BUB3: variants seen among roughly 807,000 people sequenced by gnomAD.
BUB3 encodes mitotic checkpoint protein BUB3.
A neutral mutation model predicts 39.9 loss-of-function variants in BUB3; 22 were observed. The ratio of observed to expected loss-of-function variants is 0.55; its 90% CI spans 0.39 to 0.79. The LOEUF is 0.79. Ranked by LOEUF, BUB3 falls within the 30% of genes least tolerant of loss-of-function variation. The probability of loss-of-function intolerance (pLI) is 0.00; values close to 1 mark genes in which losing one functional copy is unlikely to be tolerated. For synonymous variants in BUB3, 168 were observed against 155.1 expected, an observed-to-expected ratio of 1.08 and a Z score of -0.62; for missense variants, 303 against 415.4, an observed-to-expected ratio of 0.73 and a Z score of 2.35.
At position 123,164,455 on chromosome 10, in the gene BUB3, T is replaced by C. The variant is rs1844462506; in HGVS notation, c.*620T>C. The stretch of plus-strand genomic sequence containing the variant: ...AAGGAAAACTAATAAGAAAACCTCC[T>C]AATATCATTTTGTGACTGTAAACAA... On this transcript the variant is annotated 3_prime_UTR_variant, in exon 8 of 8. Transcript: ENST00000368865. 1.0e-6 allele frequency: 1 copy of C among 985,576 alleles called. No homozygotes were observed. The highest frequency in any genetic ancestry group is 1.2e-6 in the Non-Finnish European group (1 of 830,134). 61.1% of individuals were successfully genotyped at this position (985,576 alleles called of 1,614,324 possible).
Position 123,165,845 on chromosome 10 carries a change from A to ATGGTAT in BUB3, c.*2012_*2017dup, listed in dbSNP as rs1235675670. 6.6e-6 allele frequency: 1 copy of ATGGTAT among 152,184 alleles called. No individual in the cohort carries two copies. Among genetic ancestry groups the ATGGTAT allele is most frequent in the Non-Finnish European group, 1.5e-5 (1 of 68,044 alleles). 9.4% of individuals were successfully genotyped at this position (152,184 alleles called of 1,614,324 possible). ...TAAATAATGTAATAGCCAGGGACTG[A>ATGGTAT]TGGTATTAGTTCTTTAGTGTGATTA... On this transcript the variant is annotated 3_prime_UTR_variant, in exon 8 of 8. Coordinates refer to ENST00000368865, the MANE Select transcript of BUB3 (RefSeq NM_004725.4).
chr10:123,154,530 A>C, intron 1 of BUB3, 45 bp downstream of exon 1: 1 of 168,000 alleles, frequency 6.0e-6, no homozygotes, highest in East Asian at 1.8e-4. Context: ...CTCTCCAGGG[A>C]CTTCCCGGGT....
In BUB3 at chr10:123,164,595, G is replaced by A; in HGVS notation, c.*760G>A. 1 of 988,372 alleles carries A rather than the reference G, an allele frequency of 1.0e-6. No homozygotes were observed. The highest frequency in any genetic ancestry group is 1.2e-6 in the Non-Finnish European group (1 of 831,950). The allele number at this position is 988,372 out of a possible 1,614,324, so 61.2% of individuals were successfully genotyped here. A position where few individuals can be genotyped will look rare whatever the true frequency, so the allele number is the denominator to read the frequency against. ...GAAAAATAATTGTAACGTAATTGCA[G>A]TGCATTTAGACAGGCATCTATTTGG... On this transcript the variant is annotated 3_prime_UTR_variant, in exon 8 of 8. Transcript: ENST00000368865.
intron 5 of BUB3, among the ~76,000 whole-genome samples, chr10:123,161,758 C>T (rs1844426370): frequency 6.6e-6 from 1 of 152,170 alleles, no homozygotes; most frequent in Non-Finnish European, 1.5e-5. Flanking sequence ...ACCTGACTTG[C>T]TGTATTAAAT....
intron 4 of BUB3, among the ~76,000 whole-genome samples, chr10:123,159,890 C>T (rs1289874253): frequency 6.6e-6 from 1 of 152,006 alleles, no homozygotes; most frequent in Non-Finnish European, 1.5e-5. Context: ...CTATTTATTC[C>T]ATGTAACAAC....
chr10:123,158,484 T>C (rs1844378748), intron 4 of BUB3, among the ~76,000 whole-genome samples: 1 of 152,240 alleles, frequency 6.6e-6, no homozygotes. Flanking sequence ...GTAATTGAGC[T>C]TTCCTTCTGT....
rs765103671 is a variant in BUB3 at position 123,157,736 on chromosome 10, T to C, written c.273T>C (p.Leu91=). Residue 91 remains leucine, a synonymous_variant, in exon 4 of 8, where the codon CTT becomes CTC. Transcript: ENST00000368865. ...MHDLNTDQEN[L]VGTHDAPIRC... ...CTTTTTTTTTCTCTATAGAAAATCT[T>C]GTTGGGACCCATGATGCCCCTATCA... 3 of 1,589,136 alleles carry C rather than the reference T, an allele frequency of 1.9e-6. No homozygotes were observed. In the South Asian group the frequency reaches 3.5e-5, roughly 18 times the overall value.
At position 123,157,060 on chromosome 10, in the gene BUB3, A is replaced by G. The variant is rs185470682; in HGVS notation, c.266-669A>G. Reference sequence around the variant, plus strand: ...TCAGGACCATATATTGTTCATTCCTATATCCTTAGCAGTTGGCACAGATTC... The same window carrying G: ...TCAGGACCATATATTGTTCATTCCTGTATCCTTAGCAGTTGGCACAGATTC... On this transcript the variant is annotated intron_variant, in intron 3 of 7. Transcript: ENST00000368865. 1.9e-3 allele frequency among the ~76,000 whole-genome samples: 293 copies of G among 152,268 alleles called. 2 individuals are homozygous for G. The highest frequency in any genetic ancestry group is 6.8e-3 in the African/African-American group (281 of 41,560).
At chr10:123,157,427 T>C (rs1006851638) in intron 3 of BUB3, among the ~76,000 whole-genome samples, 1 of 152,174 alleles carries the variant, frequency 6.6e-6, no homozygotes, top group Non-Finnish European at 1.5e-5. Flanking sequence ...AAATCTAGAA[T>C]CAAGTGAGGA....
Position 123,155,028 on chromosome 10 carries a change from G to T in BUB3, c.111G>T (p.Thr37=). ...TCCTGCTTGTCTCCTCCTGGGACAC[G>T]TCCGTGCGTCTCTACGATGTGCCGG... ...SQFLLVSSWD[T]SVRLYDVPAN... Residue 37 remains threonine, a synonymous_variant, in exon 2 of 8, where the codon ACG becomes ACT. Coordinates refer to ENST00000368865, the MANE Select transcript of BUB3 (RefSeq NM_004725.4). 1.2e-6 allele frequency: 2 copies of T among 1,614,176 alleles called. No individual in the cohort carries two copies. Among genetic ancestry groups the T allele is most frequent in the South Asian group, 1.1e-5 (1 of 91,082 alleles).
rs1259158918 is a variant in BUB3 at position 123,168,748 on chromosome 10, T to C, written c.*4913T>C. 6.6e-6 allele frequency: 1 copy of C among 152,222 alleles called. No individual in the cohort carries two copies. Among genetic ancestry groups the C allele is most frequent in the Non-Finnish European group, 1.5e-5 (1 of 68,048 alleles). 9.4% of individuals were successfully genotyped at this position (152,222 alleles called of 1,614,324 possible). On this transcript the variant is annotated 3_prime_UTR_variant, in exon 8 of 8. Transcript: ENST00000368865. ...TATTTCTTTTAGTAGAGACCGGGTT[T>C]CATCATGTTGGCCAGGTTGGTCTTG...
rs768088962 is a variant in BUB3, at chr10:123,154,965, C to T, written c.48C>T (p.Gly16=). 1.2e-6 allele frequency: 2 copies of T among 1,614,170 alleles called. No homozygotes were observed. The highest frequency in any genetic ancestry group is 1.7e-5 in the Admixed American group (1 of 60,022). The change falls in exon 2 of 8, where the codon GGC becomes GGT. Residue 16 remains glycine (G), a synonymous_variant. Coordinates refer to ENST00000368865, the MANE Select transcript of BUB3 (RefSeq NM_004725.4). Reference sequence around the variant, plus strand: ...AGCTGAACCAGCCACCCGAGGATGGCATCTCCTCCGTGAAGTTCAGCCCCA... The same window carrying T: ...AGCTGAACCAGCCACCCGAGGATGGTATCTCCTCCGTGAAGTTCAGCCCCA... ...EFKLNQPPED[G]ISSVKFSPNT...
chr10:123,155,479 T>G (rs769460586), intron 2 of BUB3, among the ~76,000 whole-genome samples, 179 bp from the exon 3 acceptor site: 3 of 152,234 alleles, frequency 2.0e-5, no homozygotes, highest in Non-Finnish European at 4.4e-5. Context: ...TCCTTTAATT[T>G]CCAGACACAG....
At chr10:123,156,869 G>A (rs111795951) in intron 3 of BUB3, among the ~76,000 whole-genome samples, 4,126 of 151,408 alleles carry the variant, frequency 0.027, 120 homozygotes, top group East Asian at 0.12. Context: ...TCAGCCTCCC[G>A]AGTAGCTGGG....
chr10:123,160,651 CCTT>C (rs1844409840), intron 5 of BUB3, 86 bp downstream of exon 5: 3 of 1,247,492 alleles, frequency 2.4e-6, no homozygotes, highest in Non-Finnish European at 3.2e-6. Context: ...GCCCCTAAAG[CCTT>C]CTTTTTTTTT....
In BUB3 at chr10:123,164,992, G is replaced by A; in HGVS notation, c.*1157G>A. 1 of 1,569,730 alleles carries A rather than the reference G, an allele frequency of 6.4e-7. No individual in the cohort carries two copies. The highest frequency in any genetic ancestry group is 8.6e-7 in the Non-Finnish European group (1 of 1,161,738). ...TCTTTTTTTTTTTAAGTATTTCAGT[G>A]AAAACTTGGTGTAAGTCTGAACCCA... On this transcript the variant is annotated 3_prime_UTR_variant, in exon 8 of 8. Coordinates refer to ENST00000368865, the MANE Select transcript of BUB3 (RefSeq NM_004725.4).
chr10:123,163,822 C>G lies in BUB3; in HGVS notation c.974C>G (p.Ser325Ter), dbSNP rs750383253. The change falls in exon 8 of 8, where the codon TCA becomes TGA. Residue 325 changes from serine (S) to a stop codon, truncating the protein, a stop_gained and splice_region_variant. Coordinates refer to ENST00000368865, the MANE Select transcript of BUB3 (RefSeq NM_004725.4). LOFTEE classifies it high-confidence loss of function. Reference protein sequence around the residue: ...QVTDAETKPKSPCT With the variant: ...QVTDAETKPK ...CTTTTTTTCTTTTGAACTTGTAGGT[C>G]ACCATGTACTTGACAAGATTTCATT... 6.2e-7 allele frequency: 1 copy of G among 1,607,678 alleles called. No individual in the cohort carries two copies. Among genetic ancestry groups the G allele is most frequent in the Admixed American group, 1.7e-5 (1 of 59,678 alleles).
chr10:123,157,143 T>C (rs751240117), intron 3 of BUB3, among the ~76,000 whole-genome samples: 9 of 152,204 alleles, frequency 5.9e-5, no homozygotes, highest in Non-Finnish European at 1.3e-4. Flanking sequence ...AAGGTTCAAA[T>C]TGAAAAGAAA....
rs765517245 is a variant in BUB3 at position 123,155,121 on chromosome 10, C to T, written c.195+9C>T. On this transcript the variant is annotated intron_variant, in intron 2 of 7. Coordinates refer to ENST00000368865, the MANE Select transcript of BUB3 (RefSeq NM_004725.4). ...TGGACTGCGCCTTCTACGTAGGTGC[C>T]CTCCCGCCCTGCTCCTGCCCTCTTA... The T allele has an allele frequency of 7.4e-6, 12 of 1,612,116 alleles. No individual in the cohort carries two copies. Among genetic ancestry groups the T allele is most frequent in the Admixed American group, 6.7e-5 (4 of 59,940 alleles).
Sources: allele counts gnomAD v4.1 joint callset (sites outside exome capture counted in the v4.1 genomes callset), GRCh38; gene constraint gnomAD v4.1.1; transcripts MANE v1.5; gene names NCBI Gene and HGNC (gene_info 2026-07-23, HGNC 2026-07-21).